Variants in ELF2 observed in about 807,000 individuals in gnomAD.
ELF2 encodes E74 like ETS transcription factor 2.
ELF2 carries 11 observed loss-of-function variants against 54.8 expected under a neutral mutation model. The ratio of observed to expected loss-of-function variants is 0.20; its 90% CI spans 0.13 to 0.33. The LOEUF (loss-of-function observed/expected upper bound fraction) is 0.33. Among genes scored for constraint, ELF2 ranks in the 10% least tolerant of loss-of-function variants. The pLI is 1.00. For synonymous variants in ELF2, 203 were observed against 245.1 expected, an observed-to-expected ratio of 0.83 and a Z score of 1.61; for missense variants, 513 against 703.0, an observed-to-expected ratio of 0.73 and a Z score of 3.06.
intron 4 of ELF2, chr4:139,084,247 G>T (rs1731646002): frequency 3.7e-6 from 6 of 1,609,232 alleles, no homozygotes; most frequent in Non-Finnish European, 5.1e-6. Context: ...GAGCAGCGGC[G>T]GCAGGGGAGG....
chr4:139,134,506 G>A (rs1737888041), intron 3 of ELF2, among the ~76,000 whole-genome samples: 1 of 149,608 alleles, frequency 6.7e-6, no homozygotes, highest in Non-Finnish European at 1.5e-5. Context: ...CCAGGTGCAT[G>A]CTACCATGCC....
intron 1 of ELF2, among the ~76,000 whole-genome samples, chr4:139,161,209 T>C (rs922999881): frequency 1.3e-5 from 2 of 152,214 alleles, no homozygotes; most frequent in South Asian, 4.1e-4. Flanking sequence ...TCAACCCAAA[T>C]GCCTTTTTAA....
intron 4 of ELF2, among the ~76,000 whole-genome samples, chr4:139,096,871 T>C (rs901482755): frequency 1.3e-5 from 2 of 152,068 alleles, no homozygotes; most frequent in African/African-American, 4.8e-5. Flanking sequence ...TTTTATTCCG[T>C]TGGCCATATT....
intron 4 of ELF2, chr4:139,084,195 A>G: frequency 6.2e-7 from 1 of 1,613,338 alleles, no homozygotes; most frequent in Non-Finnish European, 8.5e-7. Flanking sequence ...CGCCATGTTT[A>G]TCCCGGGGCT....
At chr4:139,086,194 G>A (rs761335217) in intron 4 of ELF2, among the ~76,000 whole-genome samples, 15 of 139,270 alleles carry the variant, frequency 1.1e-4, no homozygotes, top group Non-Finnish European at 2.1e-4. Flanking sequence ...TTTGAGAAGT[G>A]AATGAGAGAA....
chr4:139,156,964 T>C (rs951570535), intron 1 of ELF2, among the ~76,000 whole-genome samples: 1 of 152,174 alleles, frequency 6.6e-6, no homozygotes, highest in East Asian at 1.9e-4. Context: ...TTATGTACTA[T>C]ACACATACAG....
intron 6 of ELF2, 22 bp from the exon 7 acceptor site, chr4:139,067,792 A>G (rs1378195759): frequency 6.4e-7 from 1 of 1,558,796 alleles, no homozygotes; most frequent in Admixed American, 1.8e-5. Context: ...AGATATTGAA[A>G]CCATACGTTG....
At position 139,114,145 on chromosome 4, in the gene ELF2, A is replaced by C. The variant is rs1289335463; in HGVS notation, c.238+11019T>G. On this transcript the variant is annotated intron_variant, in intron 4 of 9. Transcript: ENST00000686138. ...TTAGGATAACACTCTATTGAAGTAA[A>C]TATGTCATATTAAAATAGATTTTCT... is the stretch of plus-strand genomic sequence containing the variant. 5.3e-5 allele frequency among the ~76,000 whole-genome samples: 8 copies of C among 152,332 alleles called. No homozygotes were observed. The East Asian group carries it at 1.5e-3, about 29-fold the overall frequency.
chr4:139,096,394 A>G (rs1578783449), intron 4 of ELF2, among the ~76,000 whole-genome samples: 1 of 152,164 alleles, frequency 6.6e-6, no homozygotes, highest in Non-Finnish European at 1.5e-5. Context: ...AGGAAGATGC[A>G]TATGTAAGAT....
At chr4:139,067,638 C>T in intron 7 of ELF2, 46 bp downstream of exon 7, 1 of 1,591,376 alleles carries the variant, frequency 6.3e-7, no homozygotes, top group Non-Finnish European at 8.6e-7. Context: ...TGTCACCTAA[C>T]TGAAAAAAAA....
intron 7 of ELF2, chr4:139,066,227 G>A (rs1455043906): frequency 3.3e-5 from 5 of 151,852 alleles, no homozygotes; most frequent in African/African-American, 7.3e-5. Flanking sequence ...TCATGAAAGT[G>A]ATAAATTTTC....
Position 139,144,321 on chromosome 4 carries a change from G to A in ELF2, c.-251-4824C>T, listed in dbSNP as rs531482217. On this transcript the variant is annotated intron_variant, in intron 1 of 9. Coordinates refer to ENST00000686138, the MANE Select transcript of ELF2 (RefSeq NM_001331036.3). ...AGAATATACAAGAAGCACCAGGGGC[G>A]GGAAGAGCCTTGTGCGTATTCCCGG... is the stretch of plus-strand genomic sequence containing the variant. 5.9e-5 allele frequency among the ~76,000 whole-genome samples: 9 copies of A among 152,276 alleles called. No individual in the cohort carries two copies. In the South Asian group the frequency reaches 1.0e-3, roughly 18 times the overall value.
intron 4 of ELF2, among the ~76,000 whole-genome samples, chr4:139,095,229 G>A (rs1356285289): frequency 6.7e-6 from 1 of 148,490 alleles, no homozygotes; most frequent in African/African-American, 2.5e-5. Context: ...CTGTTGCCCA[G>A]GCTAGAGTGC....
At position 139,125,187 on chromosome 4, in the gene ELF2, A is replaced by G. The variant is rs1269009439; in HGVS notation, c.215T>C (p.Val72Ala). The G allele has an allele frequency of 6.2e-7, 1 of 1,611,482 alleles. No individual in the cohort carries two copies. Among genetic ancestry groups the G allele is most frequent in the Admixed American group, 1.7e-5 (1 of 58,910 alleles). The change falls in exon 4 of 10, where the codon GTT becomes GCT. Residue 72 changes from valine (V) to alanine (A), a missense_variant. Val to Ala is a moderately conservative substitution (Grantham distance 64, BLOSUM62 0). This residue lies in a region of ELF2 where 203 missense variants were observed against 245.9 expected (regional missense o/e 0.83). Transcript: ENST00000686138. ...ACCTGTTTCCACATTCTCGGTCTCA[A>G]CTTCTTGTTCTTCTGCCACATCTTG... ...MMQDVAEEQE[V>A]ETENVETVEA...
chr4:139,162,247 G>A (rs999549367), intron 1 of ELF2, among the ~76,000 whole-genome samples: 2 of 151,632 alleles, frequency 1.3e-5, no homozygotes, highest in Non-Finnish European at 2.9e-5. Context: ...GGCCAGGCAC[G>A]GTGGCTCACG....
chr4:139,097,543 G>A (rs1181095541), intron 4 of ELF2, among the ~76,000 whole-genome samples: 2 of 149,908 alleles, frequency 1.3e-5, no homozygotes, highest in Non-Finnish European at 2.9e-5. Flanking sequence ...CTTGAACCCA[G>A]AAGGCAGAGG....
chr4:139,144,851 C>T (rs1368932700), intron 1 of ELF2, among the ~76,000 whole-genome samples: 1 of 152,212 alleles, frequency 6.6e-6, no homozygotes, highest in Non-Finnish European at 1.5e-5. Context: ...ACATGCAGAG[C>T]CAAAGAGCAG....
intron 1 of ELF2, among the ~76,000 whole-genome samples, chr4:139,162,414 C>A (rs1205936252): frequency 6.6e-6 from 1 of 151,588 alleles, no homozygotes; most frequent in East Asian, 2.0e-4. Flanking sequence ...GCCTGTAATC[C>A]CAGCTACTCC....
At chr4:139,072,313 T>A (rs1434995224) in intron 5 of ELF2, 1 of 273,888 alleles carries the variant, frequency 3.7e-6, no homozygotes, top group Non-Finnish European at 6.8e-6. Flanking sequence ...ACTTATACTT[T>A]CAAACTAATT....
Sources: gnomAD v4.1 joint callset for allele counts (sites outside exome capture counted in the v4.1 genomes callset) on GRCh38, gnomAD v4.1.1 for gene constraint, gnomAD v4.1.1 regional missense constraint, MANE v1.5 for transcripts, NCBI Gene and HGNC (gene_info 2026-07-23, HGNC 2026-07-21) for gene names.